The following PPP2R5E variants were observed in gnomAD, a reference collection of about 807,000 sequenced individuals.
PPP2R5E encodes protein phosphatase 2 regulatory subunit B'epsilon.
A neutral mutation model predicts 65.3 loss-of-function variants in PPP2R5E; 4 were observed. The observed-to-expected ratio is 0.06, with a 90% CI of 0.03 to 0.14. The LOEUF (loss-of-function observed/expected upper bound fraction) is 0.14, where lower values mean the gene tolerates loss of function less well. Ranked by LOEUF, PPP2R5E falls within the 10% of genes least tolerant of loss-of-function variation. PPP2R5E has a pLI of 1.00. For synonymous variants in PPP2R5E, 183 were observed against 187.4 expected (o/e 0.98, Z 0.19); for missense variants, 274 against 556.1 (o/e 0.49, Z 5.10).
At chr14:63,401,049 T>C (rs1406963426) in intron 5 of PPP2R5E, among the ~76,000 whole-genome samples, 1 of 152,166 alleles carries the variant, frequency 6.6e-6, no homozygotes, top group Non-Finnish European at 1.5e-5. Context: ...CTCAACAAAA[T>C]GCATTGCCGA....
chr14:63,404,933 GGGC>G (rs1885980063), intron 5 of PPP2R5E, among the ~76,000 whole-genome samples: 1 of 152,124 alleles, frequency 6.6e-6, no homozygotes, highest in South Asian at 2.1e-4. Context: ...ATAATTTGTG[GGGC>G]CTAGTGCAAA....
At chr14:63,406,017 T>C (rs1051640113) in intron 5 of PPP2R5E, among the ~76,000 whole-genome samples, 1 of 152,138 alleles carries the variant, frequency 6.6e-6, no homozygotes. Context: ...CTAGATTTAA[T>C]AAAAATCACA....
At chr14:63,521,966 TCTCC>T (rs1566760238) in intron 2 of PPP2R5E, among the ~76,000 whole-genome samples, 9 of 39,742 alleles carry the variant, frequency 2.3e-4, no homozygotes, top group African/African-American at 8.5e-4. Flanking sequence ...CCCCTCCCCC[TCTCC>T]CCACGGTCTC....
At chr14:63,470,847 A>G (rs529291446) in intron 2 of PPP2R5E, among the ~76,000 whole-genome samples, 22 of 151,868 alleles carry the variant, frequency 1.4e-4, no homozygotes, top group Admixed American at 1.4e-3. Context: ...AAAAAAAATT[A>G]CAGCATCCTA....
chr14:63,467,033 T>C (rs1228409128), intron 2 of PPP2R5E, among the ~76,000 whole-genome samples: 2 of 152,038 alleles, frequency 1.3e-5, no homozygotes, highest in African/African-American at 4.8e-5. Flanking sequence ...GAGACCATCC[T>C]GGCTAACACG....
intron 12 of PPP2R5E, among the ~76,000 whole-genome samples, chr14:63,384,154 C>T (rs1884523639): frequency 6.6e-6 from 1 of 152,068 alleles, no homozygotes; most frequent in African/African-American, 2.4e-5. Context: ...CTAAGCATGG[C>T]CATGCTGTCA....
intron 2 of PPP2R5E, among the ~76,000 whole-genome samples, chr14:63,502,160 G>A (rs1262959633): frequency 6.6e-6 from 1 of 152,136 alleles, no homozygotes; most frequent in Non-Finnish European, 1.5e-5. Context: ...CTCCCAAAGT[G>A]GTGGGATTAC....
intron 12 of PPP2R5E, among the ~76,000 whole-genome samples, chr14:63,383,434 C>T (rs1288424127): frequency 6.6e-6 from 1 of 152,104 alleles, no homozygotes; most frequent in East Asian, 1.9e-4. Flanking sequence ...GACCTTCCTC[C>T]CAAGGGCAGT....
At chr14:63,499,452 C>T (rs1289833565) in intron 2 of PPP2R5E, among the ~76,000 whole-genome samples, 1 of 152,150 alleles carries the variant, frequency 6.6e-6, no homozygotes, top group Non-Finnish European at 1.5e-5. Flanking sequence ...AGGCTGGGTG[C>T]AGGGGCTCAC....
chr14:63,378,711 G>A lies in PPP2R5E; in HGVS notation c.1305-2603C>T, dbSNP rs552550522. ...CGCTTAACCACACTGTCATGCAGGGGATATTGTCAAATTCTCTTCTAATTT... is the reference window on the plus strand; with the variant it reads ...CGCTTAACCACACTGTCATGCAGGGAATATTGTCAAATTCTCTTCTAATTT... On this transcript the variant is annotated intron_variant, in intron 13 of 13. Coordinates refer to ENST00000337537, the MANE Select transcript of PPP2R5E (RefSeq NM_006246.5). Among the ~76,000 whole-genome samples the A allele has an allele frequency of 2.0e-5, 3 of 152,148 alleles. No individual in the cohort carries two copies. The South Asian group carries it at 6.2e-4, about 32-fold the overall frequency.
intron 2 of PPP2R5E, chr14:63,508,311 TTGTTC>T: frequency 1.5e-6 from 1 of 679,644 alleles, no homozygotes; most frequent in Non-Finnish European, 1.8e-6. Flanking sequence ...CTGTCACTCT[TTGTTC>T]TGTCACTCTC....
At chr14:63,499,845 A>G (rs1200371359) in intron 2 of PPP2R5E, among the ~76,000 whole-genome samples, 2 of 152,226 alleles carry the variant, frequency 1.3e-5, no homozygotes, top group East Asian at 3.8e-4. Flanking sequence ...CAAAGAACTT[A>G]AGTGGCTTGC....
At chr14:63,479,832 C>T (rs1035204911) in intron 2 of PPP2R5E, among the ~76,000 whole-genome samples, 3 of 152,276 alleles carry the variant, frequency 2.0e-5, no homozygotes, top group African/African-American at 2.4e-5. Flanking sequence ...CAGTTTTATA[C>T]ATCAAGATGG....
chr14:63,448,813 C>T (rs995306726), intron 3 of PPP2R5E, among the ~76,000 whole-genome samples: 30 of 147,822 alleles, frequency 2.0e-4, no homozygotes, highest in Non-Finnish European at 4.0e-4. Context: ...AAAAAGCAAC[C>T]CCCAATATCT....
At chr14:63,480,193 C>T (rs559026054) in intron 2 of PPP2R5E, among the ~76,000 whole-genome samples, 72 of 152,084 alleles carry the variant, frequency 4.7e-4, no homozygotes, top group Non-Finnish European at 7.7e-4. Context: ...TGTGGTGGCT[C>T]ATGCCTGTAA....
At chr14:63,514,361 T>A (rs1892579378) in intron 2 of PPP2R5E, among the ~76,000 whole-genome samples, 1 of 152,166 alleles carries the variant, frequency 6.6e-6, no homozygotes, top group South Asian at 2.1e-4. Flanking sequence ...TTTGGCCACC[T>A]TTGATACTCA....
intron 3 of PPP2R5E, among the ~76,000 whole-genome samples, chr14:63,441,908 TAAAA>T (rs11291949): frequency 7.5e-6 from 1 of 133,594 alleles, no homozygotes; most frequent in Non-Finnish European, 1.6e-5. Flanking sequence ...AGACTCCGTC[TAAAA>T]AAAAAAAAAA....
chr14:63,527,768 T>C (rs1424897476), intron 2 of PPP2R5E, among the ~76,000 whole-genome samples: 4 of 151,994 alleles, frequency 2.6e-5, no homozygotes, highest in Non-Finnish European at 5.9e-5. Flanking sequence ...ACCCCATCTA[T>C]ACTAAAAATA....
At chr14:63,433,032 GTT>G (rs747571866) in intron 3 of PPP2R5E, among the ~76,000 whole-genome samples, 6 of 96,462 alleles carry the variant, frequency 6.2e-5, no homozygotes, top group Non-Finnish European at 6.3e-5. Flanking sequence ...GTTTTGTTTT[GTT>G]TTTTTTTTTT....
Sources: allele counts gnomAD v4.1 joint callset (sites outside exome capture counted in the v4.1 genomes callset), GRCh38; gene constraint gnomAD v4.1.1; transcripts MANE v1.5; gene names NCBI Gene and HGNC (gene_info 2026-07-23, HGNC 2026-07-21).